The following FOXP1 variants were observed in gnomAD, a reference collection of about 807,000 sequenced individuals.
The protein encoded by FOXP1 is forkhead box P1, also known as forkhead box protein P1.
A neutral mutation model predicts 98.2 loss-of-function variants in FOXP1; 15 were observed. The observed-to-expected ratio is 0.15, with a 90% CI of 0.10 to 0.24. FOXP1 has a LOEUF of 0.24. Among genes scored for constraint, FOXP1 ranks in the 10% least tolerant of loss-of-function variants. The probability of loss-of-function intolerance (pLI) is 1.00; values close to 1 mark genes in which losing one functional copy is unlikely to be tolerated. For missense variants in FOXP1, 633 were observed against 848.5 expected, an observed-to-expected ratio of 0.75 and a Z score of 3.15; for synonymous variants, 371 against 314.5, an observed-to-expected ratio of 1.18 and a Z score of -1.90.
At chr3:71,548,189 G>T (rs1281171684) in intron 2 of FOXP1, among the ~76,000 whole-genome samples, 2 of 152,174 alleles carry the variant, frequency 1.3e-5, no homozygotes, top group Non-Finnish European at 2.9e-5. Context: ...GTAAACCACT[G>T]ATCATCACCA....
intron 14 of FOXP1, among the ~76,000 whole-genome samples, chr3:70,981,025 TTTCA>T (rs2038738966): frequency 6.6e-6 from 1 of 151,908 alleles, no homozygotes; most frequent in South Asian, 2.1e-4. Context: ...TGAGTTCCAG[TTTCA>T]TTGTCAGAAA....
At chr3:71,001,522 G>C (rs2042125445) in intron 12 of FOXP1, among the ~76,000 whole-genome samples, 1 of 151,970 alleles carries the variant, frequency 6.6e-6, no homozygotes, top group African/African-American at 2.4e-5. Flanking sequence ...ATGGCAAAGG[G>C]TAGAAAAGCA....
intron 3 of FOXP1, among the ~76,000 whole-genome samples, chr3:71,425,408 G>C (rs1363638901): frequency 1.3e-5 from 2 of 152,164 alleles, no homozygotes; most frequent in Admixed American, 6.5e-5. Flanking sequence ...TTACAGGTGT[G>C]AGCCACCACA....
chr3:71,234,355 C>T (rs1298518074), intron 5 of FOXP1, among the ~76,000 whole-genome samples: 1 of 152,170 alleles, frequency 6.6e-6, no homozygotes, highest in African/African-American at 2.4e-5. Context: ...CACTGGAGAT[C>T]ATCCGACAAA....
At chr3:71,488,801 CCT>C (rs1484500288) in intron 3 of FOXP1, among the ~76,000 whole-genome samples, 1 of 152,168 alleles carries the variant, frequency 6.6e-6, no homozygotes, top group Non-Finnish European at 1.5e-5. Context: ...TTAAATCTAG[CCT>C]CTCTTTATGG....
At chr3:71,013,683 C>T (rs1220297311) in intron 12 of FOXP1, among the ~76,000 whole-genome samples, 1 of 152,134 alleles carries the variant, frequency 6.6e-6, no homozygotes, top group Non-Finnish European at 1.5e-5. Context: ...AAAGAGCCCA[C>T]ATTGCCAAGA....
intron 3 of FOXP1, among the ~76,000 whole-genome samples, chr3:71,449,285 A>T (rs918512666): frequency 6.6e-6 from 1 of 152,166 alleles, no homozygotes; most frequent in Non-Finnish European, 1.5e-5. Flanking sequence ...AGCTCTCAGG[A>T]TCGTCCAAGT....
At chr3:71,248,552 C>T (rs1344433465) in intron 5 of FOXP1, among the ~76,000 whole-genome samples, 2 of 152,022 alleles carry the variant, frequency 1.3e-5, no homozygotes, top group Non-Finnish European at 2.9e-5. Context: ...ACCAGCCTGA[C>T]CAACATGGTG....
intron 3 of FOXP1, among the ~76,000 whole-genome samples, chr3:71,473,975 T>C (rs1446183822): frequency 6.6e-6 from 1 of 152,138 alleles, no homozygotes; most frequent in East Asian, 1.9e-4. Context: ...AGGCACCTAA[T>C]AATATCTGTG....
At chr3:71,324,861 A>G (rs1286737424) in intron 4 of FOXP1, among the ~76,000 whole-genome samples, 1 of 152,166 alleles carries the variant, frequency 6.6e-6, no homozygotes, top group Non-Finnish European at 1.5e-5. Context: ...AGTCTGTTGG[A>G]ACAAAGGGCC....
chr3:71,103,973 G>C (rs1446364388), intron 7 of FOXP1, among the ~76,000 whole-genome samples: 5 of 152,000 alleles, frequency 3.3e-5, no homozygotes, highest in Non-Finnish European at 7.3e-5. Flanking sequence ...AAAAGAGAGA[G>C]GCTTTAATTT....
rs1281300551 is a variant in FOXP1 at position 71,507,734 on chromosome 3, T to C, written c.-297-14179A>G. On this transcript the variant is annotated intron_variant, in intron 2 of 20. Coordinates refer to ENST00000649528, the MANE Select transcript of FOXP1 (RefSeq NM_001349338.3). The stretch of plus-strand genomic sequence containing the variant: ...CTGGGACTACAGGCACCTGCCACCA[T>C]GCCCGGCTAATTTTTTCTATTTTTA... 4.6e-5 allele frequency among the ~76,000 whole-genome samples: 7 copies of C among 152,114 alleles called. No homozygotes were observed. The South Asian group carries it at 8.3e-4, about 18-fold the overall frequency.
At chr3:71,021,562 G>C (rs2045444237) in intron 11 of FOXP1, among the ~76,000 whole-genome samples, 1 of 152,198 alleles carries the variant, frequency 6.6e-6, no homozygotes, top group Admixed American at 6.5e-5. Context: ...CCTAGAAGTT[G>C]AATTGCTGGG....
intron 13 of FOXP1, among the ~76,000 whole-genome samples, chr3:70,992,161 A>T (rs924615489): frequency 1.3e-5 from 2 of 152,158 alleles, no homozygotes; most frequent in Non-Finnish European, 2.9e-5. Flanking sequence ...TGAGGCTTGG[A>T]AGTAGGTATT....
rs1576373488 is a variant in FOXP1 at position 71,041,272 on chromosome 3, C to A, written c.869+56G>T. ...ACTGAGATATGACGAGGCAGGGCCA[C>A]CCACCCCTCTCATGTTAAAGGCAGT... is the stretch of plus-strand genomic sequence containing the variant. On this transcript the variant is annotated intron_variant, in intron 11 of 20. Coordinates refer to ENST00000649528, the MANE Select transcript of FOXP1 (RefSeq NM_001349338.3). The A allele has an allele frequency of 3.5e-6, 5 of 1,448,058 alleles. No homozygotes were observed. In the East Asian group the frequency reaches 1.1e-4, roughly 33 times the overall value. 89.7% of individuals were successfully genotyped at this position (1,448,058 alleles called of 1,614,324 possible). A position where few individuals can be genotyped will look rare whatever the true frequency, so the allele number is the denominator to read the frequency against.
chr3:71,189,400 G>C (rs931923421), intron 6 of FOXP1, among the ~76,000 whole-genome samples: 2 of 152,198 alleles, frequency 1.3e-5, no homozygotes, highest in African/African-American at 4.8e-5. Flanking sequence ...AGGCTAAATG[G>C]AAAATACTTG....
rs530033446 is a variant in FOXP1 at position 71,037,464 on chromosome 3, G to A, written c.869+3864C>T. Among the ~76,000 whole-genome samples, 9 of 152,190 alleles carry A rather than the reference G, an allele frequency of 5.9e-5. No homozygotes were observed. In the East Asian group the frequency reaches 1.4e-3, roughly 23 times the overall value. ...ACAAGACAGTATCTTCATATGTACC[G>A]GTATCCCAGGCCTGAGTTTTGTCTG... On this transcript the variant is annotated intron_variant, in intron 11 of 20. Coordinates refer to ENST00000649528, the MANE Select transcript of FOXP1 (RefSeq NM_001349338.3).
chr3:71,047,005 G>A lies in FOXP1; in HGVS notation c.601C>T (p.Arg201Cys), dbSNP rs2049113805. Residue 201 changes from arginine (R) to cysteine (C), a missense_variant, in exon 10 of 21, where the codon CGC becomes TGC. By Grantham distance (180) the Arg-to-Cys change is radical. Around this residue, in one of 6 missense-constraint regions of FOXP1, gnomAD observed 210 missense variants for 270.6 expected, o/e 0.78. Coordinates refer to ENST00000649528, the MANE Select transcript of FOXP1 (RefSeq NM_001349338.3). ...GGCTGAATTGTCAGAAGGCCTTGGC[G>A]CTGCAAAGACAGGAGGTGCTGCTGC... ...LQQQHLLSLQ[R>C]QGLLTIQPGQ... 6.2e-7 allele frequency: 1 copy of A among 1,614,000 alleles called. No individual in the cohort carries two copies. The highest frequency in any genetic ancestry group is 8.5e-7 in the Non-Finnish European group (1 of 1,179,990).
intron 3 of FOXP1, among the ~76,000 whole-genome samples, chr3:71,444,890 C>T (rs1429752769): frequency 1.3e-5 from 2 of 152,044 alleles, no homozygotes; most frequent in Non-Finnish European, 2.9e-5. Context: ...GTGGGGATGG[C>T]CATGGGGACT....
Sources: gnomAD v4.1 joint callset for allele counts (sites outside exome capture counted in the v4.1 genomes callset) on GRCh38, gnomAD v4.1.1 for gene constraint, gnomAD v4.1.1 regional missense constraint, MANE v1.5 for transcripts, NCBI Gene and HGNC (gene_info 2026-07-23, HGNC 2026-07-21) for gene names.